STAU1: variants seen among roughly 807,000 people sequenced by gnomAD.
STAU1 encodes the protein double-stranded RNA-binding protein Staufen homolog 1.
A neutral mutation model predicts 62.9 loss-of-function variants in STAU1; 13 were observed. The ratio of observed to expected loss-of-function variants is 0.21; its 90% CI spans 0.13 to 0.33. STAU1 has a LOEUF of 0.33. Among genes scored for constraint, STAU1 ranks in the 10% least tolerant of loss-of-function variants. The pLI is 1.00. For missense variants in STAU1, 571 were observed against 712.1 expected (o/e 0.80, Z 2.25); for synonymous variants, 269 against 265.1 (o/e 1.01, Z -0.14).
At chr20:49,207,103 G>A in the STAU1 span, among the ~76,000 whole-genome samples, 1 of 152,054 alleles carries the variant, frequency 6.6e-6, no homozygotes, top group Admixed American at 6.6e-5. Context: ...GCATGTACCT[G>A]TAGTCCCAGC....
intron 3 of STAU1, among the ~76,000 whole-genome samples, 200 bp from the exon 4 acceptor site, chr20:49,154,271 G>T (rs985627490): frequency 6.6e-6 from 1 of 152,180 alleles, no homozygotes; most frequent in African/African-American, 2.4e-5. Flanking sequence ...ACAGTCGACA[G>T]CACAAAATCT....
chr20:49,219,287 A>G, the STAU1 span: 1 of 1,473,648 alleles, frequency 6.8e-7, no homozygotes, highest in South Asian at 1.3e-5. Context: ...CACGCCCCAT[A>G]TTGCCGCATG....
chr20:49,172,900 T>C (rs1234413174), intron 2 of STAU1, among the ~76,000 whole-genome samples: 2 of 151,370 alleles, frequency 1.3e-5, no homozygotes, highest in African/African-American at 4.8e-5. Context: ...TTTTTTGAGA[T>C]GGAGTCTCGC....
At chr20:49,147,108 T>A (rs1156942916) in intron 5 of STAU1, among the ~76,000 whole-genome samples, 4 of 152,224 alleles carry the variant, frequency 2.6e-5, no homozygotes. Context: ...ATCTTTAGTA[T>A]CAGCCGAAAT....
At chr20:49,167,457 G>T (rs1397974840) in intron 2 of STAU1, among the ~76,000 whole-genome samples, 2 of 152,106 alleles carry the variant, frequency 1.3e-5, no homozygotes, top group African/African-American at 4.8e-5. Flanking sequence ...AGAGCAAAAA[G>T]GACTGCAAAA....
chr20:49,195,535 C>CAAAAAAAAAAAAAAA, the STAU1 span, among the ~76,000 whole-genome samples: 45 of 38,138 alleles, frequency 1.2e-3, no homozygotes, highest in East Asian at 5.2e-3. Context: ...GACTCCGTCT[C>CAAAAAAAAAAAAAAA]AAAAAAAAAA....
At chr20:49,142,859 A>G (rs1436752898) in intron 5 of STAU1, among the ~76,000 whole-genome samples, 1 of 152,136 alleles carries the variant, frequency 6.6e-6, no homozygotes, top group East Asian at 1.9e-4. Context: ...CTGCAGTGCA[A>G]TGGCATAATC....
chr20:49,166,101 C>T lies in STAU1; in HGVS notation c.101G>A (p.Ser34Asn). The change falls in exon 3 of 14, where the codon AGT becomes AAT. Residue 34 changes from serine (S) to asparagine (N), a missense_variant. Ser to Asn is a conservative substitution (Grantham distance 46). This residue lies in a region of STAU1 where 414 missense variants were observed against 499.6 expected (regional missense o/e 0.83). Transcript: ENST00000371856. ...CAGAGAGCTAGTAGTAGAAGGAATACTCATCAAAGGCTGTGAGAGAAGAGA... is the reference window on the plus strand; with the variant it reads ...CAGAGAGCTAGTAGTAGAAGGAATATTCATCAAAGGCTGTGAGAGAAGAGA... Reference protein sequence around the residue: ...NQSLLSQPLMSIPSTTSSLPS... With the variant: ...NQSLLSQPLMNIPSTTSSLPS... 6.2e-7 allele frequency: 1 copy of T among 1,614,200 alleles called. No individual in the cohort carries two copies.
the STAU1 span, among the ~76,000 whole-genome samples, chr20:49,198,976 C>T: frequency 6.7e-6 from 1 of 150,324 alleles, no homozygotes; most frequent in Non-Finnish European, 1.5e-5. Context: ...CCCCTGCCCC[C>T]CCGCCAAAAA....
rs2092272118 is a variant in STAU1, at chr20:49,114,733, T to C, written c.*145A>G. The C allele has an allele frequency of 2.6e-6, 2 of 779,570 alleles. No homozygotes were observed. Among genetic ancestry groups the C allele is most frequent in the African/African-American group, 1.7e-5 (1 of 57,158 alleles). The allele number at this position is 779,570 out of a possible 1,614,324, so 48.3% of individuals were successfully genotyped here. A position where few individuals can be genotyped will look rare whatever the true frequency, so the allele number is the denominator to read the frequency against. On this transcript the variant is annotated 3_prime_UTR_variant, in exon 14 of 14. Transcript: ENST00000371856. ...CCACAGCCGCCTCCTTGTGTTTCTG[T>C]TGTCTTCCCTGCTGCTGCCCACATC...
At chr20:49,178,854 A>G (rs984953568) in intron 1 of STAU1, among the ~76,000 whole-genome samples, 8 of 151,256 alleles carry the variant, frequency 5.3e-5, no homozygotes, top group African/African-American at 1.9e-4. Context: ...CGAGTGGATC[A>G]CAAGGTCAGG....
chr20:49,142,484 AC>A (rs1292979069), intron 5 of STAU1, among the ~76,000 whole-genome samples: 3 of 152,154 alleles, frequency 2.0e-5, no homozygotes, highest in Non-Finnish European at 4.4e-5. Context: ...CTGATAGAAA[AC>A]AATGGGTCTA....
intron 6 of STAU1, among the ~76,000 whole-genome samples, chr20:49,129,280 ATTTTTTTT>A (rs71184264): frequency 1.5e-4 from 13 of 87,928 alleles, no homozygotes; most frequent in African/African-American, 5.6e-4. Flanking sequence ...TTAAAAAAAA[ATTTTTTTT>A]TTTTTTTTTT....
intron 2 of STAU1, among the ~76,000 whole-genome samples, chr20:49,168,389 T>A (rs1241327552): frequency 6.6e-6 from 1 of 152,142 alleles, no homozygotes; most frequent in Non-Finnish European, 1.5e-5. Context: ...CTCAAGTCAG[T>A]CATAAATATG....
At chr20:49,169,358 A>G (rs1421336761) in intron 2 of STAU1, among the ~76,000 whole-genome samples, 1 of 152,196 alleles carries the variant, frequency 6.6e-6, no homozygotes, top group African/African-American at 2.4e-5. Context: ...CACATAACTC[A>G]AGGAACAAAT....
chr20:49,135,575 C>G (rs2092860846), intron 6 of STAU1, among the ~76,000 whole-genome samples: 1 of 152,210 alleles, frequency 6.6e-6, no homozygotes, highest in African/African-American at 2.4e-5. Flanking sequence ...ACACAACCAT[C>G]TTCAGACTGC....
At chr20:49,127,661 G>A (rs760965429) in intron 6 of STAU1, among the ~76,000 whole-genome samples, 23 of 151,094 alleles carry the variant, frequency 1.5e-4, no homozygotes, top group East Asian at 4.0e-4. Flanking sequence ...AGCTGAGATC[G>A]CGCCATTGCA....
chr20:49,165,144 AAGT>A lies in STAU1; in HGVS notation c.205+850_205+852del, dbSNP rs752465004. 9.1e-4 allele frequency among the ~76,000 whole-genome samples: 138 copies of A among 152,160 alleles called. 1 individual carries two copies. Among genetic ancestry groups the A allele is most frequent in the Non-Finnish European group, 3.8e-4 (26 of 68,008 alleles). On this transcript the variant is annotated intron_variant, in intron 3 of 13. Transcript: ENST00000371856. Reference sequence around the variant, plus strand: ...ACTACAACCTCTGCCTCCTGGGTTCAAGTGATTCTTCTATATCAGCCTCCCGAA... The same window carrying A: ...ACTACAACCTCTGCCTCCTGGGTTCAGATTCTTCTATATCAGCCTCCCGAA...
chr20:49,218,091 T>C, the STAU1 span, among the ~76,000 whole-genome samples: 1 of 151,096 alleles, frequency 6.6e-6, no homozygotes, highest in Non-Finnish European at 1.5e-5. Context: ...GTCAGGCTGG[T>C]TTTAAACTCC....
Sources: gnomAD v4.1 joint callset for allele counts (sites outside exome capture counted in the v4.1 genomes callset) on GRCh38, gnomAD v4.1.1 for gene constraint, gnomAD v4.1.1 regional missense constraint, MANE v1.5 for transcripts, NCBI Gene and HGNC (gene_info 2026-07-23, HGNC 2026-07-21) for gene names.